Variants in HS6ST3 observed in about 807,000 individuals in gnomAD.
The protein encoded by HS6ST3 is heparan sulfate 6-O-sulfotransferase 3, also known as heparan-sulfate 6-O-sulfotransferase 3.
Under a neutral mutation model 36.7 loss-of-function variants are expected in HS6ST3, and 12 were observed. The observed-to-expected ratio is 0.33, with a 90% CI of 0.21 to 0.53. The LOEUF (loss-of-function observed/expected upper bound fraction) is 0.53, where lower values mean the gene tolerates loss of function less well. Ranked by LOEUF, HS6ST3 falls within the 20% of genes least tolerant of loss-of-function variation. HS6ST3 has a pLI of 0.95. For missense variants in HS6ST3, 584 were observed against 640.9 expected (o/e 0.91, Z 0.96); for synonymous variants, 240 against 257.5 (o/e 0.93, Z 0.65).
chr13:96,375,147 G>C (rs2055308591), intron 1 of HS6ST3, among the ~76,000 whole-genome samples: 1 of 151,948 alleles, frequency 6.6e-6, no homozygotes, highest in African/African-American at 2.4e-5. Context: ...ACCTTTCTCT[G>C]GCCTTTTCTT....
In HS6ST3 at chr13:96,814,780, C is replaced by T. The variant is rs144710878; in HGVS notation, c.708-17710C>T. ...TCTTACCTATTGGTTTATTTTCAGG[C>T]TTGTCATATATGAGTATAAATTAGT... On this transcript the variant is annotated intron_variant, in intron 1 of 1. Coordinates refer to ENST00000376705, the MANE Select transcript of HS6ST3 (RefSeq NM_153456.4). 7.9e-5 allele frequency among the ~76,000 whole-genome samples: 12 copies of T among 152,118 alleles called. No individual in the cohort carries two copies. The East Asian group carries it at 2.3e-3, about 29-fold the overall frequency.
At chr13:96,769,653 GTA>G (rs1566449288) in intron 1 of HS6ST3, among the ~76,000 whole-genome samples, 3 of 151,116 alleles carry the variant, frequency 2.0e-5, no homozygotes, top group African/African-American at 7.3e-5. Flanking sequence ...TTAAAGGTTG[GTA>G]ATAAAAGCAG....
chr13:96,817,169 C>G (rs1878438505), intron 1 of HS6ST3, among the ~76,000 whole-genome samples: 1 of 151,688 alleles, frequency 6.6e-6, no homozygotes, highest in Non-Finnish European at 1.5e-5. Flanking sequence ...CCCTCCATGG[C>G]TGTTTGGGGG....
Position 96,833,922 on chromosome 13 carries a change from A to C in HS6ST3, c.*724A>C, listed in dbSNP as rs1381128307. On this transcript the variant is annotated 3_prime_UTR_variant, in exon 2 of 2. Coordinates refer to ENST00000376705, the MANE Select transcript of HS6ST3 (RefSeq NM_153456.4). ...GGGAGGTTGTAACCCCTGAGAAATGAACATTGGTAGGAGCATTTAAGAGAA... is the reference window on the plus strand; with the variant it reads ...GGGAGGTTGTAACCCCTGAGAAATGCACATTGGTAGGAGCATTTAAGAGAA... 1 of 152,198 alleles carries C rather than the reference A, an allele frequency of 6.6e-6. No individual in the cohort carries two copies. Among genetic ancestry groups the C allele is most frequent in the Admixed American group, 6.5e-5 (1 of 15,276 alleles). 9.4% of individuals were successfully genotyped at this position (152,198 alleles called of 1,614,324 possible). A position where few individuals can be genotyped will look rare whatever the true frequency, so the allele number is the denominator to read the frequency against.
intron 1 of HS6ST3, among the ~76,000 whole-genome samples, chr13:96,432,255 A>G (rs987896737): frequency 6.6e-6 from 1 of 152,208 alleles, no homozygotes; most frequent in Non-Finnish European, 1.5e-5. Flanking sequence ...CCCTGTAGAA[A>G]TATGCAAATT....
intron 1 of HS6ST3, among the ~76,000 whole-genome samples, chr13:96,654,790 G>T (rs1171966640): frequency 2.0e-5 from 3 of 152,056 alleles, no homozygotes; most frequent in South Asian, 2.1e-4. Context: ...TGAAACAAAA[G>T]ATGTCTGTAG....
At chr13:96,128,417 G>A (rs556456058) in intron 1 of HS6ST3, among the ~76,000 whole-genome samples, 1 of 152,236 alleles carries the variant, frequency 6.6e-6, no homozygotes, top group Admixed American at 6.5e-5. Context: ...GTCCAGCATG[G>A]GTTGGCTTTA....
At chr13:96,556,557 G>T (rs753529871) in intron 1 of HS6ST3, among the ~76,000 whole-genome samples, 1 of 152,132 alleles carries the variant, frequency 6.6e-6, no homozygotes, top group Non-Finnish European at 1.5e-5. Context: ...CAGAACTCAT[G>T]ATGTTTACAT....
At chr13:96,345,230 A>G (rs1003672403) in intron 1 of HS6ST3, among the ~76,000 whole-genome samples, 5 of 152,212 alleles carry the variant, frequency 3.3e-5, no homozygotes, top group African/African-American at 7.2e-5. Context: ...TAAGGCTATC[A>G]TCAATCCCTG....
rs183356318 is a variant in HS6ST3, at chr13:96,273,032, G to C, written c.707+181463G>C. 2.6e-5 allele frequency among the ~76,000 whole-genome samples: 4 copies of C among 151,996 alleles called. No individual in the cohort carries two copies. In the East Asian group the frequency reaches 7.7e-4, roughly 29 times the overall value. ...TTTCAAACAGCTAAATTTAGAAAAG[G>C]AATCCTACACTAAAATAATAGAATT... On this transcript the variant is annotated intron_variant, in intron 1 of 1. Transcript: ENST00000376705.
intron 1 of HS6ST3, among the ~76,000 whole-genome samples, chr13:96,590,408 G>A (rs2056378063): frequency 6.6e-6 from 1 of 152,004 alleles, no homozygotes; most frequent in Non-Finnish European, 1.5e-5. Flanking sequence ...ACATTTCATT[G>A]TAGTTTTGAT....
At chr13:96,409,124 T>A (rs895066516) in intron 1 of HS6ST3, among the ~76,000 whole-genome samples, 3 of 151,764 alleles carry the variant, frequency 2.0e-5, no homozygotes, top group Non-Finnish European at 4.4e-5. Context: ...TTTGGCTGGA[T>A]ATTGAAAGAA....
chr13:96,568,780 C>G (rs1403701636), intron 1 of HS6ST3, among the ~76,000 whole-genome samples: 1 of 152,124 alleles, frequency 6.6e-6, no homozygotes, highest in Non-Finnish European at 1.5e-5. Flanking sequence ...GTTTGTCCTG[C>G]TGAAAATTTT....
At chr13:96,821,501 G>A (rs1878534310) in intron 1 of HS6ST3, among the ~76,000 whole-genome samples, 1 of 152,336 alleles carries the variant, frequency 6.6e-6, no homozygotes, top group African/African-American at 2.4e-5. Context: ...GTGACTCAAA[G>A]GGTTGTTTTG....
chr13:96,634,054 A>T (rs1417207023), intron 1 of HS6ST3, among the ~76,000 whole-genome samples: 2 of 152,252 alleles, frequency 1.3e-5, no homozygotes, highest in East Asian at 1.9e-4. Context: ...TCCTGTGAGG[A>T]TATGAGGAGG....
chr13:96,776,008 A>T (rs1356465752), intron 1 of HS6ST3, among the ~76,000 whole-genome samples: 2 of 152,240 alleles, frequency 1.3e-5, no homozygotes, highest in African/African-American at 4.8e-5. Context: ...CCACAGTGCA[A>T]TCAAATTAGA....
chr13:96,147,415 A>C (rs1040706498), intron 1 of HS6ST3, among the ~76,000 whole-genome samples: 1 of 152,254 alleles, frequency 6.6e-6, no homozygotes. Context: ...ACTAACCATC[A>C]TTCTGCAGCA....
chr13:96,542,066 C>G (rs2056180654), intron 1 of HS6ST3, among the ~76,000 whole-genome samples: 1 of 152,168 alleles, frequency 6.6e-6, no homozygotes, highest in African/African-American at 2.4e-5. Flanking sequence ...AGATCTGAAA[C>G]CTTTTTGATT....
chr13:96,764,319 A>C (rs1296809776), intron 1 of HS6ST3, among the ~76,000 whole-genome samples: 1 of 152,190 alleles, frequency 6.6e-6, no homozygotes, highest in African/African-American at 2.4e-5. Context: ...GCATGGTCTG[A>C]TGGAAAAGGA....
Sources: allele counts gnomAD v4.1 joint callset (sites outside exome capture counted in the v4.1 genomes callset), GRCh38; gene constraint gnomAD v4.1.1; transcripts MANE v1.5; gene names NCBI Gene and HGNC (gene_info 2026-07-23, HGNC 2026-07-21).